Variants in LRBA observed in about 807,000 individuals in gnomAD.
The protein encoded by LRBA is lipopolysaccharide-responsive and beige-like anchor protein.
A neutral mutation model predicts 330.0 loss-of-function variants in LRBA; 176 were observed. The observed-to-expected ratio is 0.53, with a 90% CI of 0.47 to 0.60. The LOEUF is 0.60. LRBA is among the 20% of genes least tolerant of loss of function. LRBA has a pLI of 0.00. For missense variants in LRBA, 3,259 were observed against 3,444.8 expected, an observed-to-expected ratio of 0.95 and a Z score of 1.35; for synonymous variants, 1,230 against 1,193.0, an observed-to-expected ratio of 1.03 and a Z score of -0.64.
intron 40 of LRBA, among the ~76,000 whole-genome samples, chr4:150,518,947 T>A (rs1762641272): frequency 6.6e-6 from 1 of 152,206 alleles, no homozygotes; most frequent in South Asian, 2.1e-4. Context: ...TAAATGCCTA[T>A]CTCTGTGACC....
intron 40 of LRBA, among the ~76,000 whole-genome samples, chr4:150,492,692 A>G (rs1313175334): frequency 6.6e-6 from 1 of 152,180 alleles, no homozygotes; most frequent in African/African-American, 2.4e-5. Context: ...TGACATGTAT[A>G]ATAAACTCTT....
intron 53 of LRBA, among the ~76,000 whole-genome samples, chr4:150,294,392 G>T (rs943557222): frequency 6.6e-6 from 1 of 152,184 alleles, no homozygotes; most frequent in Non-Finnish European, 1.5e-5. Flanking sequence ...TAGACTGCCT[G>T]AGTTTAAATC....
chr4:150,559,857 ATTAT>A (rs1768001090), intron 40 of LRBA, among the ~76,000 whole-genome samples: 1 of 24,828 alleles, frequency 4.0e-5, no homozygotes, highest in Non-Finnish European at 8.7e-5. Flanking sequence ...ATAATATATA[ATTAT>A]ATATAATATA....
At chr4:150,558,965 C>A (rs977690341) in intron 40 of LRBA, among the ~76,000 whole-genome samples, 5 of 152,064 alleles carry the variant, frequency 3.3e-5, no homozygotes, top group Non-Finnish European at 5.9e-5. Context: ...CAATATCAGA[C>A]AACATACTGA....
chr4:150,592,458 T>C (rs1279465843), intron 38 of LRBA, among the ~76,000 whole-genome samples: 1 of 152,050 alleles, frequency 6.6e-6, no homozygotes, highest in Non-Finnish European at 1.5e-5. Context: ...ATAGGAGTTT[T>C]CTATTTAATA....
At chr4:150,657,863 A>T (rs1340888914) in intron 37 of LRBA, among the ~76,000 whole-genome samples, 1 of 151,960 alleles carries the variant, frequency 6.6e-6, no homozygotes, top group Non-Finnish European at 1.5e-5. Context: ...TTTTTAAGTT[A>T]TTTTCTTAAT....
At chr4:150,886,770 C>G (rs1022033199) in intron 17 of LRBA, among the ~76,000 whole-genome samples, 2 of 152,146 alleles carry the variant, frequency 1.3e-5, no homozygotes, top group African/African-American at 4.8e-5. Context: ...GAGTTATGCT[C>G]TAATGCATCC....
intron 37 of LRBA, among the ~76,000 whole-genome samples, chr4:150,639,990 G>A (rs1340112753): frequency 6.7e-6 from 1 of 148,958 alleles, no homozygotes; most frequent in African/African-American, 2.5e-5. Context: ...CCAAGTAGCT[G>A]GGATTACAGG....
chr4:150,315,854 G>A (rs1383412010), intron 50 of LRBA, among the ~76,000 whole-genome samples: 3 of 152,234 alleles, frequency 2.0e-5, no homozygotes, highest in South Asian at 2.1e-4. Context: ...TCCAGTCCTA[G>A]GCCATAAGCT....
chr4:150,704,425 A>T (rs1785415445), intron 36 of LRBA, among the ~76,000 whole-genome samples: 1 of 151,826 alleles, frequency 6.6e-6, no homozygotes, highest in Non-Finnish European at 1.5e-5. Flanking sequence ...TTGCTACAGT[A>T]TTCTCCAGCT....
intron 36 of LRBA, among the ~76,000 whole-genome samples, chr4:150,710,076 G>T (rs1786027309): frequency 6.6e-6 from 1 of 152,018 alleles, no homozygotes; most frequent in Admixed American, 6.6e-5. Context: ...GTAAAAGAAA[G>T]AAAATATAGG....
At chr4:150,922,265 T>C (rs1053205066) in intron 4 of LRBA, among the ~76,000 whole-genome samples, 1 of 152,062 alleles carries the variant, frequency 6.6e-6, no homozygotes, top group Non-Finnish European at 1.5e-5. Flanking sequence ...ATGCTTACTA[T>C]ATTCCACTGT....
At chr4:150,301,143 T>C (rs533650345) in intron 53 of LRBA, among the ~76,000 whole-genome samples, 10 of 152,066 alleles carry the variant, frequency 6.6e-5, no homozygotes, top group Admixed American at 2.6e-4. Context: ...AAAAAAGAAA[T>C]TGAAAGGAGT....
At chr4:151,008,822 A>C (rs1744429905) in intron 2 of LRBA, among the ~76,000 whole-genome samples, 1 of 150,230 alleles carries the variant, frequency 6.7e-6, no homozygotes, top group Non-Finnish European at 1.5e-5. Context: ...AAAATACAAA[A>C]ATTAGCCGGG....
At chr4:150,684,173 G>A (rs1213608867) in intron 36 of LRBA, among the ~76,000 whole-genome samples, 1 of 152,188 alleles carries the variant, frequency 6.6e-6, no homozygotes, top group Admixed American at 6.5e-5. Flanking sequence ...GTTTTACGCA[G>A]TGAAGTGATA....
At chr4:150,835,628 T>C (rs1422541909) in intron 28 of LRBA, among the ~76,000 whole-genome samples, 1 of 152,204 alleles carries the variant, frequency 6.6e-6, no homozygotes, top group Non-Finnish European at 1.5e-5. Context: ...ATAGGAATGT[T>C]TGTGATTTTT....
chr4:150,837,288 A>G (rs1748264745), intron 28 of LRBA, among the ~76,000 whole-genome samples: 1 of 152,008 alleles, frequency 6.6e-6, no homozygotes, highest in Non-Finnish European at 1.5e-5. Context: ...TGGGGTGGAG[A>G]GTTCTGTAGA....
rs766346674 is a variant in LRBA, at chr4:150,471,608, C to T, written c.6667+16G>A. 3 of 1,317,010 alleles carry T rather than the reference C, an allele frequency of 2.3e-6. No individual in the cohort carries two copies. Among genetic ancestry groups the T allele is most frequent in the South Asian group, 1.3e-5 (1 of 78,258 alleles). The allele number at this position is 1,317,010 out of a possible 1,614,324, so 81.6% of individuals were successfully genotyped here. On this transcript the variant is annotated intron_variant, in intron 43 of 56. Transcript: ENST00000651943. ...ATTTATTGTCTAAAATAAATCAATACATGGAATTAGGTTACCTGCTATCGT... is the reference window on the plus strand; with the variant it reads ...ATTTATTGTCTAAAATAAATCAATATATGGAATTAGGTTACCTGCTATCGT...
At chr4:150,451,627 A>G (rs1202270565) in intron 44 of LRBA, among the ~76,000 whole-genome samples, 1 of 152,216 alleles carries the variant, frequency 6.6e-6, no homozygotes, top group Non-Finnish European at 1.5e-5. Context: ...AATAGTTTAA[A>G]GTTTGCACCT....
Sources: gnomAD v4.1 joint callset for allele counts (sites outside exome capture counted in the v4.1 genomes callset) on GRCh38, gnomAD v4.1.1 for gene constraint, MANE v1.5 for transcripts, NCBI Gene and HGNC (gene_info 2026-07-23, HGNC 2026-07-21) for gene names.